The following EDA variants were observed in gnomAD, a reference collection of about 807,000 sequenced individuals.
EDA encodes ectodysplasin-A.
EDA carries 2 observed loss-of-function variants against 23.6 expected under a neutral mutation model. The observed-to-expected ratio is 0.08, with a 90% CI of 0.03 to 0.27. EDA has a LOEUF of 0.27. Among genes scored for constraint, EDA ranks in the 10% least tolerant of loss-of-function variants. The pLI is 1.00. For synonymous variants in EDA, 131 were observed against 132.0 expected (o/e 0.99, Z 0.05); for missense variants, 229 against 324.2 (o/e 0.71, Z 2.26).
At chrX:69,892,349 G>A (rs1347960213) in intron 1 of EDA, among the ~76,000 whole-genome samples, 1 of 111,781 alleles carries the variant, frequency 8.9e-6, no homozygotes, top group Non-Finnish European at 1.9e-5. Flanking sequence ...TGCAGATAGA[G>A]AAAATGCTTC....
intron 1 of EDA, among the ~76,000 whole-genome samples, chrX:69,883,475 C>T (rs2017781233): frequency 2.7e-5 from 3 of 111,461 alleles, no homozygotes; most frequent in African/African-American, 9.8e-5. Context: ...TAACTGGGTA[C>T]CCAATTTGGA....
chrX:69,963,720 A>G (rs1013062027), intron 2 of EDA, among the ~76,000 whole-genome samples: 1 of 112,083 alleles, frequency 8.9e-6, no homozygotes, highest in African/African-American at 3.2e-5. Flanking sequence ...CATTTTTAGA[A>G]TACCAACTGC....
rs757852281 is a variant in EDA at position 69,681,505 on chromosome X, G to C, written c.396+64801G>C. ...TTTTCACATAGTCCCATATTTCTTG[G>C]AGGCTTTGCTCGTTTCTTTTTATTC... On this transcript the variant is annotated intron_variant, in intron 1 of 7. Coordinates refer to ENST00000374552, the MANE Select transcript of EDA (RefSeq NM_001399.5). Among the ~76,000 whole-genome samples the C allele has an allele frequency of 2.7e-5, 3 of 111,188 alleles. No homozygotes were observed. The East Asian group carries it at 8.5e-4, about 32-fold the overall frequency.
chrX:69,653,158 A>G (rs963936563), intron 1 of EDA, among the ~76,000 whole-genome samples: 1 of 111,718 alleles, frequency 9.0e-6, no homozygotes, highest in African/African-American at 3.3e-5. Flanking sequence ...TTCATTGAGC[A>G]GTGGCTGGTA....
At chrX:69,703,731 G>A (rs148552617) in intron 1 of EDA, among the ~76,000 whole-genome samples, 593 of 111,901 alleles carry the variant, frequency 5.3e-3, no homozygotes, top group Non-Finnish European at 8.7e-3. Context: ...TCTTGCTGAG[G>A]CATGCTGTTG....
chrX:69,779,965 A>G (rs1219373802), intron 1 of EDA, among the ~76,000 whole-genome samples: 1 of 111,642 alleles, frequency 9.0e-6, no homozygotes, highest in Non-Finnish European at 1.9e-5. Context: ...AAAGCATGAA[A>G]CACCAACATT....
chrX:69,952,942 C>T lies in EDA; in HGVS notation c.397-4085C>T, dbSNP rs755992585. The stretch of plus-strand genomic sequence containing the variant: ...TCTCTGGAATTGTAGTTGGTAATGG[C>T]GGGGAGGTTCTTCATCTGCATTTCA... On this transcript the variant is annotated intron_variant, in intron 1 of 7. Coordinates refer to ENST00000374552, the MANE Select transcript of EDA (RefSeq NM_001399.5). Among the ~76,000 whole-genome samples, 36 of 111,909 alleles carry T rather than the reference C, an allele frequency of 3.2e-4. No homozygotes were observed. The Middle Eastern group carries it at 0.014, about 43-fold the overall frequency.
At chrX:70,031,846 G>A (rs1222264362) in intron 6 of EDA, among the ~76,000 whole-genome samples, 1 of 112,519 alleles carries the variant, frequency 8.9e-6, no homozygotes, top group Non-Finnish European at 1.9e-5. Context: ...TAGATGGATA[G>A]TGTTTATTCT....
At chrX:69,675,769 A>T (rs1285874199) in intron 1 of EDA, among the ~76,000 whole-genome samples, 2 of 111,294 alleles carry the variant, frequency 1.8e-5, no homozygotes, top group Non-Finnish European at 1.9e-5. Flanking sequence ...AAATACATAG[A>T]ATGTCAGATA....
intron 1 of EDA, among the ~76,000 whole-genome samples, chrX:69,682,106 TG>T (rs780447138): frequency 1.8e-5 from 2 of 111,124 alleles, no homozygotes; most frequent in Non-Finnish European, 3.8e-5. Context: ...CTGCCCCTGC[TG>T]GGGGTGCCTC....
At chrX:69,825,359 A>G (rs1176824651) in intron 1 of EDA, among the ~76,000 whole-genome samples, 6 of 106,902 alleles carry the variant, frequency 5.6e-5, no homozygotes, top group African/African-American at 1.7e-4. Flanking sequence ...GCTATTGATT[A>G]TTGCCACGAT....
At chrX:69,718,737 A>G (rs1185869121) in intron 1 of EDA, among the ~76,000 whole-genome samples, 1 of 111,274 alleles carries the variant, frequency 9.0e-6, no homozygotes, top group Non-Finnish European at 1.9e-5. Flanking sequence ...TTCATGAACA[A>G]TTATTGGTCC....
intron 1 of EDA, among the ~76,000 whole-genome samples, chrX:69,941,603 T>C (rs1216867236): frequency 1.8e-5 from 2 of 111,509 alleles, no homozygotes; most frequent in African/African-American, 3.3e-5. Context: ...TTCCTGCTAA[T>C]TTTTTTGTTT....
At chrX:70,033,679 T>A (rs2020230098) in intron 7 of EDA, 151 bp downstream of exon 7, 1 of 627,934 alleles carries the variant, frequency 1.6e-6, no homozygotes, top group Non-Finnish European at 2.5e-6. Flanking sequence ...GGGAGGGAGT[T>A]GAAAGGAGGA....
At chrX:69,958,244 C>T (rs2019045690) in intron 2 of EDA, among the ~76,000 whole-genome samples, 1 of 112,275 alleles carries the variant, frequency 8.9e-6, no homozygotes, top group Non-Finnish European at 1.9e-5. Flanking sequence ...TGGGCTGCTG[C>T]AAAGGCATCT....
intron 1 of EDA, among the ~76,000 whole-genome samples, chrX:69,730,060 T>A (rs1437024043): frequency 9.0e-6 from 1 of 111,621 alleles, no homozygotes; most frequent in Non-Finnish European, 1.9e-5. Context: ...GACATTGTCT[T>A]ACTATGTTGC....
At position 69,997,404 on chromosome X, in the gene EDA, A is replaced by G. The variant is rs200641952; in HGVS notation, c.503-25814A>G. Among the ~76,000 whole-genome samples, 9 of 112,134 alleles carry G rather than the reference A, an allele frequency of 8.0e-5. No individual in the cohort carries two copies. In the East Asian group the frequency reaches 2.5e-3, roughly 31 times the overall value. ...GAGATGATTTAGGGTATCTGGTGGA[A>G]GAAATTTCTAGGCAGCAAATCACTC... On this transcript the variant is annotated intron_variant, in intron 2 of 7. Coordinates refer to ENST00000374552, the MANE Select transcript of EDA (RefSeq NM_001399.5).
intron 1 of EDA, among the ~76,000 whole-genome samples, chrX:69,802,127 A>G (rs2015702985): frequency 9.0e-6 from 1 of 110,844 alleles, no homozygotes; most frequent in African/African-American, 3.3e-5. Context: ...GAGCAAGGGA[A>G]TAAATAAATT....
chrX:69,748,487 G>A (rs902463003), intron 1 of EDA, among the ~76,000 whole-genome samples: 21 of 111,710 alleles, frequency 1.9e-4, no homozygotes, highest in Non-Finnish European at 3.0e-4. Flanking sequence ...TTTGCATCAC[G>A]TAAACAAAAT....
Sources: allele counts gnomAD v4.1 joint callset (sites outside exome capture counted in the v4.1 genomes callset), GRCh38; gene constraint gnomAD v4.1.1; transcripts MANE v1.5; gene names NCBI Gene and HGNC (gene_info 2026-07-23, HGNC 2026-07-21).